The following PPP3CA variants were observed in gnomAD, a reference collection of about 807,000 sequenced individuals.
PPP3CA encodes the protein CAM-PRP catalytic subunit.
Under a neutral mutation model 66.5 loss-of-function variants are expected in PPP3CA, and 14 were observed. That is an observed-to-expected ratio of 0.21 (90% CI 0.14 to 0.33). The LOEUF (loss-of-function observed/expected upper bound fraction) is 0.33. Ranked by LOEUF, PPP3CA falls within the 10% of genes least tolerant of loss-of-function variation. The pLI is 1.00. For synonymous variants in PPP3CA, 232 were observed against 226.2 expected (o/e 1.03, Z -0.23); for missense variants, 317 against 639.5 (o/e 0.50, Z 5.44).
At chr4:101,285,595 GTGTA>G (rs1435347759) in intron 1 of PPP3CA, among the ~76,000 whole-genome samples, 1,269 of 114,414 alleles carry the variant, frequency 0.011, 11 homozygotes, top group African/African-American at 0.034. Context: ...ATGCCACTGT[GTGTA>G]TGTGTGTGTG....
chr4:101,108,045 G>C (rs560284862), intron 3 of PPP3CA: 1 of 152,312 alleles, frequency 6.6e-6, no homozygotes, highest in African/African-American at 2.4e-5. Context: ...CAAGGTCTCT[G>C]CCTTTATTTT....
chr4:101,189,693 AAAAAAAAAAAAC>A (rs1345054046), intron 2 of PPP3CA, among the ~76,000 whole-genome samples: 1 of 151,064 alleles, frequency 6.6e-6, no homozygotes, highest in East Asian at 1.9e-4. Context: ...ACGGCAAAAA[AAAAAAAAAAAAC>A]AAAACCAAAA....
At chr4:101,141,897 A>AACTTAC (rs1722820106) in intron 2 of PPP3CA, among the ~76,000 whole-genome samples, 2 of 152,206 alleles carry the variant, frequency 1.3e-5, no homozygotes, top group Non-Finnish European at 2.9e-5. Flanking sequence ...ACAAAGGCTG[A>AACTTAC]ACTTACACTT....
intron 1 of PPP3CA, among the ~76,000 whole-genome samples, chr4:101,229,824 T>G (rs562428352): frequency 6.6e-6 from 1 of 151,684 alleles, no homozygotes; most frequent in Admixed American, 6.6e-5. Flanking sequence ...AGGTAGACAG[T>G]GCTTTGTGAG....
intron 2 of PPP3CA, among the ~76,000 whole-genome samples, chr4:101,188,589 A>T (rs557427249): frequency 6.6e-6 from 1 of 152,250 alleles, no homozygotes; most frequent in South Asian, 2.1e-4. Context: ...TTAGATATGG[A>T]TTTACATATA....
intron 1 of PPP3CA, among the ~76,000 whole-genome samples, chr4:101,304,050 G>A (rs903552125): frequency 1.3e-5 from 2 of 152,162 alleles, no homozygotes; most frequent in Non-Finnish European, 2.9e-5. Flanking sequence ...TTTTCTGCTA[G>A]TATTTTGCCT....
chr4:101,222,402 A>C (rs1382699648), intron 1 of PPP3CA, among the ~76,000 whole-genome samples: 1 of 151,652 alleles, frequency 6.6e-6, no homozygotes, highest in African/African-American at 2.4e-5. Flanking sequence ...AAATACATTC[A>C]ATAACAATGG....
intron 2 of PPP3CA, among the ~76,000 whole-genome samples, chr4:101,188,149 A>G (rs1724472933): frequency 6.6e-6 from 1 of 152,156 alleles, no homozygotes; most frequent in African/African-American, 2.4e-5. Context: ...ATCTTTTCGT[A>G]TTAAAATATC....
At chr4:101,239,985 T>G (rs576277904) in intron 1 of PPP3CA, among the ~76,000 whole-genome samples, 7 of 149,920 alleles carry the variant, frequency 4.7e-5, no homozygotes, top group African/African-American at 1.7e-4. Context: ...ATTAAGGGGG[T>G]TTAAAATAAA....
At position 101,214,548 on chromosome 4, in the gene PPP3CA, G is replaced by A. The variant is rs778220032; in HGVS notation, c.59-18432C>T. On this transcript the variant is annotated intron_variant, in intron 1 of 13. Transcript: ENST00000394854. Reference sequence around the variant, plus strand: ...AACAATGACCTCCATACAGTAAGACGTGCTGGCTTTCTGCACTGATCATTG... The same window carrying A: ...AACAATGACCTCCATACAGTAAGACATGCTGGCTTTCTGCACTGATCATTG... Among the ~76,000 whole-genome samples the A allele has an allele frequency of 2.0e-5, 3 of 152,022 alleles. 1 individual carries two copies. The South Asian group carries it at 6.2e-4, about 32-fold the overall frequency.
rs185496144 is a variant in PPP3CA at position 101,044,759 on chromosome 4, A to C, written c.1157-4193T>G. 1.3e-3 allele frequency among the ~76,000 whole-genome samples: 202 copies of C among 152,316 alleles called. 1 individual carries two copies. The highest frequency in any genetic ancestry group is 3.3e-3 in the Admixed American group (51 of 15,300). ...TTTCCTCAACATGGGGGAGGCTAGTACACAGACCAAGGGGATCTTTAAAGA... is the reference window on the plus strand; with the variant it reads ...TTTCCTCAACATGGGGGAGGCTAGTCCACAGACCAAGGGGATCTTTAAAGA... On this transcript the variant is annotated intron_variant, in intron 10 of 13. Transcript: ENST00000394854.
At chr4:101,057,058 T>C (rs921687159) in intron 10 of PPP3CA, among the ~76,000 whole-genome samples, 5 of 149,936 alleles carry the variant, frequency 3.3e-5, no homozygotes, top group African/African-American at 5.1e-5. Flanking sequence ...AAGTAGAATA[T>C]ACTTTTTTTT....
chr4:101,215,643 G>A (rs1725430105), intron 1 of PPP3CA, among the ~76,000 whole-genome samples: 1 of 151,974 alleles, frequency 6.6e-6, no homozygotes, highest in African/African-American at 2.4e-5. Context: ...CCAGAGACAA[G>A]GACTTGGTGA....
intron 1 of PPP3CA, among the ~76,000 whole-genome samples, chr4:101,252,627 T>G (rs925829345): frequency 6.6e-6 from 1 of 152,200 alleles, no homozygotes; most frequent in African/African-American, 2.4e-5. Flanking sequence ...AGTTTCCAGA[T>G]CCTCTGAAGA....
chr4:101,257,958 T>C (rs1280250670), intron 1 of PPP3CA, among the ~76,000 whole-genome samples: 1 of 152,104 alleles, frequency 6.6e-6, no homozygotes, highest in Non-Finnish European at 1.5e-5. Context: ...CATTATGTCC[T>C]ACTTGTCCAG....
chr4:101,189,880 T>C (rs1724542440), intron 2 of PPP3CA, among the ~76,000 whole-genome samples: 1 of 152,014 alleles, frequency 6.6e-6, no homozygotes, highest in South Asian at 2.1e-4. Flanking sequence ...AATTTTGTCA[T>C]GGATCGGAAC....
intron 1 of PPP3CA, among the ~76,000 whole-genome samples, chr4:101,200,405 T>C (rs1031863984): frequency 6.6e-6 from 1 of 152,150 alleles, no homozygotes; most frequent in Non-Finnish European, 1.5e-5. Flanking sequence ...ACTTATATGG[T>C]ATCAATCAGT....
intron 11 of PPP3CA, among the ~76,000 whole-genome samples, chr4:101,034,908 G>A (rs1457652565): frequency 6.6e-6 from 1 of 152,092 alleles, no homozygotes; most frequent in African/African-American, 2.4e-5. Context: ...TCAAAATATG[G>A]CTTTTGCCTC....
intron 1 of PPP3CA, among the ~76,000 whole-genome samples, chr4:101,294,157 G>C (rs1371555646): frequency 2.0e-5 from 3 of 152,318 alleles, no homozygotes; most frequent in African/African-American, 7.2e-5. Flanking sequence ...AATGGAGATG[G>C]TGGCTGAGGT....
Sources: gnomAD v4.1 joint callset for allele counts (sites outside exome capture counted in the v4.1 genomes callset) on GRCh38, gnomAD v4.1.1 for gene constraint, MANE v1.5 for transcripts, NCBI Gene and HGNC (gene_info 2026-07-23, HGNC 2026-07-21) for gene names.